STXBP5L: variants seen among roughly 807,000 people sequenced by gnomAD.
The protein encoded by STXBP5L is syntaxin-binding protein 5-like.
STXBP5L carries 65 observed loss-of-function variants against 144.5 expected under a neutral mutation model. The ratio of observed to expected loss-of-function variants is 0.45; its 90% CI spans 0.37 to 0.55. STXBP5L has a LOEUF of 0.55. STXBP5L is among the 20% of genes least tolerant of loss of function. STXBP5L has a pLI of 0.00. For synonymous variants in STXBP5L, 505 were observed against 469.6 expected, an observed-to-expected ratio of 1.08 and a Z score of -0.97; for missense variants, 1,298 against 1,405.5, an observed-to-expected ratio of 0.92 and a Z score of 1.22.
chr3:121,317,121 A>G (rs2043813479), intron 19 of STXBP5L, among the ~76,000 whole-genome samples: 1 of 152,198 alleles, frequency 6.6e-6, no homozygotes, highest in African/African-American at 2.4e-5. Context: ...TAATGGTAAT[A>G]TTTATATCAG....
intron 5 of STXBP5L, chr3:121,099,123 T>G (rs2043286338): frequency 1.3e-5 from 2 of 152,236 alleles, no homozygotes; most frequent in South Asian, 4.1e-4. Context: ...AGCCATTGAT[T>G]TGTCCTGTGG....
chr3:121,234,389 G>T (rs1912748), intron 12 of STXBP5L, among the ~76,000 whole-genome samples: 18,323 of 151,988 alleles, frequency 0.12, 1,162 homozygotes, highest in Non-Finnish European at 0.14. Context: ...AGATTCTCAA[G>T]TCAGATATCA....
chr3:121,210,171 T>G (rs1456268346), intron 10 of STXBP5L, among the ~76,000 whole-genome samples: 1 of 152,192 alleles, frequency 6.6e-6, no homozygotes, highest in Non-Finnish European at 1.5e-5. Context: ...GATTTGCATT[T>G]CTCTGATGGC....
intron 3 of STXBP5L, among the ~76,000 whole-genome samples, chr3:120,961,690 T>C (rs1938841205): frequency 6.6e-6 from 1 of 152,236 alleles, no homozygotes; most frequent in Non-Finnish European, 1.5e-5. Context: ...ACATTTGGGA[T>C]GCTTCCAAGT....
Position 120,952,111 on chromosome 3 carries a change from C to T in STXBP5L, c.190-2829C>T, listed in dbSNP as rs1478978424. Reference sequence around the variant, plus strand: ...ATAGGTGGGAATTGAACAATGAGAACACATGGATACAGGAAGGGGAACATC... The same window carrying T: ...ATAGGTGGGAATTGAACAATGAGAATACATGGATACAGGAAGGGGAACATC... On this transcript the variant is annotated intron_variant, in intron 2 of 26. Transcript: ENST00000471454. 7.5e-5 allele frequency among the ~76,000 whole-genome samples: 11 copies of T among 146,744 alleles called. No individual in the cohort carries two copies. The East Asian group carries it at 2.2e-3, about 30-fold the overall frequency.
Position 121,250,593 on chromosome 3 carries a change from A to G in STXBP5L, c.1401-130A>G, listed in dbSNP as rs796216356. 11 of 710,888 alleles carry G rather than the reference A, an allele frequency of 1.5e-5. No homozygotes were observed. In the African/African-American group the frequency reaches 2.0e-4, roughly 13 times the overall value. The allele number at this position is 710,888 out of a possible 1,614,324, so 44.0% of individuals were successfully genotyped here. A position where few individuals can be genotyped will look rare whatever the true frequency, so the allele number is the denominator to read the frequency against. On this transcript the variant is annotated intron_variant, in intron 14 of 26. Transcript: ENST00000471454. ...TAAGCTTAGAAATGGTTTAGCATAC[A>G]TTAGTTTTCATTAAAGTGGTATTTT...
intron 5 of STXBP5L, among the ~76,000 whole-genome samples, chr3:121,110,114 A>T (rs899402248): frequency 7.2e-5 from 11 of 152,132 alleles, no homozygotes; most frequent in Admixed American, 3.3e-4. Flanking sequence ...TGCATGTGAG[A>T]AGGGTCGCTT....
chr3:120,913,955 G>A (rs1708979865), intron 2 of STXBP5L, among the ~76,000 whole-genome samples: 2 of 152,020 alleles, frequency 1.3e-5, no homozygotes, highest in South Asian at 2.1e-4. Context: ...GCTTCTTGGA[G>A]TTGCTTTTAT....
rs1217036371 is a variant in STXBP5L, at chr3:120,980,380, A to G, written c.287+25343A>G. On this transcript the variant is annotated intron_variant, in intron 3 of 26. Transcript: ENST00000471454. ...TCTTAGTTCTGGTAGTGTTTGTTTT[A>G]TGAATATGGGTGCTCTATGTATATA... 2.0e-5 allele frequency among the ~76,000 whole-genome samples: 3 copies of G among 150,524 alleles called. No individual in the cohort carries two copies. The East Asian group carries it at 5.8e-4, about 29-fold the overall frequency.
At chr3:120,910,733 A>G (rs1708790746) in intron 2 of STXBP5L, among the ~76,000 whole-genome samples, 1 of 152,168 alleles carries the variant, frequency 6.6e-6, no homozygotes, top group Non-Finnish European at 1.5e-5. Flanking sequence ...TAAACAAGTG[A>G]TATATGTATA....
At chr3:121,254,358 T>C (rs1240823013) in intron 15 of STXBP5L, among the ~76,000 whole-genome samples, 3 of 152,184 alleles carry the variant, frequency 2.0e-5, no homozygotes, top group Admixed American at 6.5e-5. Context: ...AGATCCCTTC[T>C]CAAATAGTTA....
chr3:121,165,716 T>A (rs1340433017), intron 9 of STXBP5L, among the ~76,000 whole-genome samples: 1 of 152,032 alleles, frequency 6.6e-6, no homozygotes, highest in Non-Finnish European at 1.5e-5. Context: ...GTCTCACAGA[T>A]TGGACCCCAG....
chr3:121,268,657 A>G (rs2050648177), intron 18 of STXBP5L, among the ~76,000 whole-genome samples: 1 of 152,236 alleles, frequency 6.6e-6, no homozygotes, highest in Non-Finnish European at 1.5e-5. Flanking sequence ...AATGCAAACA[A>G]AGCATTTATA....
intron 19 of STXBP5L, among the ~76,000 whole-genome samples, chr3:121,297,610 T>C (rs1215185312): frequency 3.9e-5 from 6 of 152,038 alleles, no homozygotes. Flanking sequence ...AAAAATTAGC[T>C]GGGTGTGGTG....
intron 9 of STXBP5L, among the ~76,000 whole-genome samples, chr3:121,172,233 CT>C (rs1327043065): frequency 1.3e-5 from 2 of 152,116 alleles, no homozygotes; most frequent in African/African-American, 4.8e-5. Flanking sequence ...CATAAAAACC[CT>C]AGAAGAAAAT....
chr3:120,968,728 A>G (rs1454610357), intron 3 of STXBP5L, among the ~76,000 whole-genome samples: 1 of 152,076 alleles, frequency 6.6e-6, no homozygotes, highest in Non-Finnish European at 1.5e-5. Flanking sequence ...CGTTCTGAGT[A>G]TCCAAAGTCC....
intron 5 of STXBP5L, among the ~76,000 whole-genome samples, chr3:121,082,850 C>T (rs983805024): frequency 2.0e-5 from 3 of 152,086 alleles, no homozygotes; most frequent in African/African-American, 7.2e-5. Flanking sequence ...TGGAATAAGC[C>T]TCTCTTGTTT....
intron 7 of STXBP5L, among the ~76,000 whole-genome samples, chr3:121,127,771 G>A (rs1295431019): frequency 6.6e-6 from 1 of 151,904 alleles, no homozygotes; most frequent in Admixed American, 6.6e-5. Context: ...AATTTATATA[G>A]ATAAGCCTGA....
chr3:120,982,712 G>A (rs1331059829), intron 3 of STXBP5L, among the ~76,000 whole-genome samples: 1 of 152,178 alleles, frequency 6.6e-6, no homozygotes, highest in Non-Finnish European at 1.5e-5. Context: ...CCACTTTTTG[G>A]CATGTGCAAG....
Sources: allele counts gnomAD v4.1 joint callset (sites outside exome capture counted in the v4.1 genomes callset), GRCh38; gene constraint gnomAD v4.1.1; transcripts MANE v1.5; gene names NCBI Gene and HGNC (gene_info 2026-07-23, HGNC 2026-07-21).